CCM2L: variants seen among roughly 807,000 people sequenced by gnomAD.
CCM2L encodes the protein CCM2 like scaffold protein.
CCM2L carries 36 observed loss-of-function variants against 54.1 expected under a neutral mutation model. The ratio of observed to expected loss-of-function variants is 0.67; its 90% CI spans 0.51 to 0.88. The LOEUF (loss-of-function observed/expected upper bound fraction) is 0.88, where lower values mean the gene tolerates loss of function less well. CCM2L is among the 40% of genes least tolerant of loss of function. The pLI is 0.00. For missense variants in CCM2L, 700 were observed against 812.1 expected, an observed-to-expected ratio of 0.86 and a Z score of 1.68; for synonymous variants, 351 against 359.3, an observed-to-expected ratio of 0.98 and a Z score of 0.26.
intron 6 of CCM2L, 51 bp from the exon 7 acceptor site, chr20:32,025,805 G>C: frequency 8.1e-7 from 1 of 1,231,822 alleles, no homozygotes; most frequent in Admixed American, 2.3e-5. Flanking sequence ...AGCAGGGGAT[G>C]CTGATCCCTG....
In CCM2L at chr20:32,029,021, C is replaced by T; in HGVS notation, c.1160C>T (p.Ala387Val). Residue 387 changes from alanine to valine, a missense_variant, in exon 8 of 10, where the codon GCA (alanine) becomes GTA (valine). Coordinates refer to ENST00000452892, the MANE Select transcript of CCM2L (RefSeq NM_001365692.1). The part of the protein sequence containing the change: ...SFNGSQDTFE[A>V]CYSGTSTPSF... ...AATGGCTCCCAGGACACCTTTGAAGCATGTTACAGCGGCACGTCCACACCT... is the reference window on the plus strand; with the variant it reads ...AATGGCTCCCAGGACACCTTTGAAGTATGTTACAGCGGCACGTCCACACCT... 1 of 1,614,190 alleles carries T rather than the reference C, an allele frequency of 6.2e-7. No homozygotes were observed.
intron 5 of CCM2L, among the ~76,000 whole-genome samples, chr20:32,021,883 C>T (rs2064809703): frequency 6.6e-6 from 1 of 152,110 alleles, no homozygotes; most frequent in Non-Finnish European, 1.5e-5. Flanking sequence ...TAGGACACAC[C>T]TACTATCCCC....
At chr20:32,026,045 G>A (rs2064857642) in intron 7 of CCM2L, 126 bp downstream of exon 7, 3 of 638,686 alleles carry the variant, frequency 4.7e-6, no homozygotes, top group African/African-American at 1.9e-5. Flanking sequence ...ACTAAGAGGG[G>A]GAGGTAAACT....
At position 32,031,413 on chromosome 20, in the gene CCM2L, G is replaced by C; in HGVS notation, c.*99G>C. On this transcript the variant is annotated 3_prime_UTR_variant, in exon 10 of 10. Coordinates refer to ENST00000452892, the MANE Select transcript of CCM2L (RefSeq NM_001365692.1). ...CAGGGCCCCCCCATCACACCTGGCG[G>C]GGCCGGGGGGTCTTCACTCCAGGGT... 9.7e-7 allele frequency: 1 copy of C among 1,033,052 alleles called. No homozygotes were observed. The highest frequency in any genetic ancestry group is 3.7e-5 in the Admixed American group (1 of 27,236). The allele number at this position is 1,033,052 out of a possible 1,614,324, so 64.0% of individuals were successfully genotyped here.
chr20:32,029,957 G>C (rs2064905586), intron 9 of CCM2L, 119 bp downstream of exon 9: 2 of 1,251,750 alleles, frequency 1.6e-6, no homozygotes, highest in South Asian at 3.6e-5. Flanking sequence ...ATGAAACCCA[G>C]ATCATGAGAT....
intron 1 of CCM2L, among the ~76,000 whole-genome samples, chr20:32,011,709 G>A (rs2064697173): frequency 6.6e-6 from 1 of 152,100 alleles, no homozygotes; most frequent in Non-Finnish European, 1.5e-5. Flanking sequence ...GAAGGAAAGT[G>A]GGTAGGGAAG....
intron 5 of CCM2L, among the ~76,000 whole-genome samples, chr20:32,021,387 A>G (rs1490460340): frequency 1.3e-5 from 2 of 152,020 alleles, no homozygotes; most frequent in Non-Finnish European, 2.9e-5. Context: ...TTGTGGAGTG[A>G]GTAAATAAGT....
In CCM2L at chr20:32,022,638, T is replaced by G. The variant is rs753384903; in HGVS notation, c.934-22T>G. The G allele has an allele frequency of 2.5e-6, 4 of 1,612,080 alleles. No individual in the cohort carries two copies. The South Asian group carries it at 3.3e-5, about 13-fold the overall frequency. ...TGGTCATTGGTGAGGACCTGAGCTC[T>G]CTCTCCTCCTCCCTGGGCCAGGACG... On this transcript the variant is annotated intron_variant, in intron 5 of 9. Coordinates refer to ENST00000452892, the MANE Select transcript of CCM2L (RefSeq NM_001365692.1).
intron 5 of CCM2L, among the ~76,000 whole-genome samples, chr20:32,022,343 C>T (rs769974299): frequency 6.6e-6 from 1 of 152,138 alleles, no homozygotes; most frequent in Non-Finnish European, 1.5e-5. Context: ...CCTCACTGGG[C>T]CTCCGTTTCC....
chr20:32,018,845 C>T (rs2064767300), intron 4 of CCM2L, 98 bp from the exon 5 acceptor site: 5 of 1,204,040 alleles, frequency 4.2e-6, no homozygotes, highest in African/African-American at 1.6e-5. Context: ...GCGGTGGAAC[C>T]CCAGAGCCGC....
intron 1 of CCM2L, among the ~76,000 whole-genome samples, chr20:32,014,498 T>A (rs921438045): frequency 6.6e-6 from 1 of 152,156 alleles, no homozygotes; most frequent in Non-Finnish European, 1.5e-5. Context: ...ACTCCTGACC[T>A]CAAGTGATCC....
intron 6 of CCM2L, among the ~76,000 whole-genome samples, chr20:32,025,299 G>A (rs1193628604): frequency 7.1e-5 from 10 of 140,348 alleles, no homozygotes; most frequent in Admixed American, 1.5e-4. Flanking sequence ...TTCAGGGTCT[G>A]GCTCTGTCAC....
At chr20:32,028,944 G>T in intron 7 of CCM2L, 51 bp from the exon 8 acceptor site, 1 of 1,609,404 alleles carries the variant, frequency 6.2e-7, no homozygotes, top group Non-Finnish European at 8.5e-7. Context: ...CCTGCCTGAG[G>T]GCCAGGAGCT....
intron 7 of CCM2L, among the ~76,000 whole-genome samples, chr20:32,027,063 A>G (rs1451865946): frequency 6.6e-6 from 1 of 152,138 alleles, no homozygotes; most frequent in African/African-American, 2.4e-5. Flanking sequence ...ATTTTAAACA[A>G]TTCAGTTGGG....
intron 6 of CCM2L, among the ~76,000 whole-genome samples, chr20:32,024,743 C>T (rs2064838089): frequency 6.6e-6 from 1 of 152,252 alleles, no homozygotes; most frequent in African/African-American, 2.4e-5. Context: ...AGGAGAATCA[C>T]TCGAACCTGG....
chr20:32,016,692 A>G (rs1446226190), intron 2 of CCM2L, among the ~76,000 whole-genome samples: 1 of 152,182 alleles, frequency 6.6e-6, no homozygotes, highest in Non-Finnish European at 1.5e-5. Flanking sequence ...TTCAAGTTCA[A>G]ATTTAACTGG....
At chr20:32,011,927 AAGAC>A (rs2064698700) in intron 1 of CCM2L, among the ~76,000 whole-genome samples, 1 of 151,688 alleles carries the variant, frequency 6.6e-6, no homozygotes. Flanking sequence ...ACACATACGC[AAGAC>A]AAAGTCCCAG....
chr20:32,012,033 C>T (rs948489447), intron 1 of CCM2L, among the ~76,000 whole-genome samples: 15 of 151,836 alleles, frequency 9.9e-5, no homozygotes, highest in African/African-American at 3.4e-4. Context: ...CCTCATCCAG[C>T]CTTTGAGGCA....
At chr20:32,025,170 CCTTT>C (rs1221056542) in intron 6 of CCM2L, among the ~76,000 whole-genome samples, 2 of 147,302 alleles carry the variant, frequency 1.4e-5, no homozygotes, top group East Asian at 2.0e-4. Flanking sequence ...TTCTTTCTTT[CCTTT>C]CTTTTTTCCT....
Sources: gnomAD v4.1 joint callset for allele counts (sites outside exome capture counted in the v4.1 genomes callset) on GRCh38, gnomAD v4.1.1 for gene constraint, MANE v1.5 for transcripts, NCBI Gene and HGNC (gene_info 2026-07-23, HGNC 2026-07-21) for gene names.